COL6A6: variants seen among roughly 807,000 people sequenced by gnomAD.
The protein encoded by COL6A6 is collagen type VI alpha 6 chain, also known as collagen alpha-6(VI) chain.
Under a neutral mutation model 208.6 loss-of-function variants are expected in COL6A6, and 183 were observed. The observed-to-expected ratio is 0.88, with a 90% confidence interval of 0.78 to 0.99. The LOEUF is 0.99. COL6A6 is among the 50% of genes least tolerant of loss of function. The pLI is 0.00. For missense variants in COL6A6, 2,816 were observed against 2,815.2 expected (o/e 1.00, Z -0.01); for synonymous variants, 973 against 1,011.8 (o/e 0.96, Z 0.73).
chr3:130,548,240 G>T (rs1047924476), intron 1 of COL6A6, among the ~76,000 whole-genome samples: 3 of 152,184 alleles, frequency 2.0e-5, no homozygotes, highest in Non-Finnish European at 4.4e-5. Context: ...GATGCAATGT[G>T]CTGGGTAAAA....
intron 19 of COL6A6, 97 bp from the exon 20 acceptor site, chr3:130,599,660 A>C (rs535167135): frequency 1.1e-5 from 13 of 1,216,482 alleles, no homozygotes; most frequent in Non-Finnish European, 1.6e-5. Flanking sequence ...TTGGTGTGTG[A>C]ACCTATCTAT....
chr3:130,649,896 C>T (rs889601871), intron 33 of COL6A6, among the ~76,000 whole-genome samples: 1 of 152,180 alleles, frequency 6.6e-6, no homozygotes, highest in African/African-American at 2.4e-5. Flanking sequence ...TCCAAATTTG[C>T]TGTTCTAGTG....
intron 24 of COL6A6, among the ~76,000 whole-genome samples, chr3:130,623,853 G>T (rs2064808836): frequency 6.6e-6 from 1 of 152,140 alleles, no homozygotes; most frequent in South Asian, 2.1e-4. Context: ...GAATTATTAG[G>T]AAGGAAGGAA....
intron 23 of COL6A6, among the ~76,000 whole-genome samples, chr3:130,617,906 A>T (rs1057300048): frequency 6.6e-6 from 1 of 152,176 alleles, no homozygotes; most frequent in Non-Finnish European, 1.5e-5. Flanking sequence ...ATCTCTTCTG[A>T]TAAGGTGCTA....
chr3:130,626,473 T>C lies in COL6A6; in HGVS notation c.4879-12T>C. 6.2e-7 allele frequency: 1 copy of C among 1,604,884 alleles called. No homozygotes were observed. Among genetic ancestry groups the C allele is most frequent in the Non-Finnish European group, 8.5e-7 (1 of 1,171,584 alleles). On this transcript the variant is annotated splice_polypyrimidine_tract_variant and intron_variant, in intron 24 of 36. Transcript: ENST00000358511. ...CAATTTCCAACCTAAAAACAATCTT[T>C]CTGTTTAACAGGGAGAACCTGGAGA...
Position 130,592,709 on chromosome 3 carries a change from T to A in COL6A6, c.4358T>A (p.Leu1453Gln). 1 of 1,612,346 alleles carries A rather than the reference T, an allele frequency of 6.2e-7. No individual in the cohort carries two copies. Among genetic ancestry groups the A allele is most frequent in the Non-Finnish European group, 8.5e-7 (1 of 1,178,670 alleles). ...TTTTATTTTCAGGGAAACAGAGGAC[T>A]AAATGGACAGGAGGTATGTTACCAG... ...GTKGPKGNRG[L>Q]NGQEGEVGEN... Residue 1453 changes from leucine (L) to glutamine (Q), a missense_variant, in exon 15 of 37, where the codon CTA becomes CAA. Physicochemically the swap from Leu to Gln is moderately radical, Grantham distance 113. Coordinates refer to ENST00000358511, the MANE Select transcript of COL6A6 (RefSeq NM_001102608.3).
chr3:130,566,728 A>G lies in COL6A6; in HGVS notation c.1309A>G (p.Ile437Val), dbSNP rs2063033171. Residue 437 changes from isoleucine to valine, a missense_variant, in exon 5 of 37, where the codon ATC becomes GTC. Transcript: ENST00000358511. The stretch of plus-strand genomic sequence containing the variant: ...TTGTGTGGACACTGAGGAAGCAGAC[A>G]TCTATCTGCTTATCGATGGCTCAGG... ...SGCVDTEEAD[I>V]YLLIDGSGST... 2 of 1,611,324 alleles carry G rather than the reference A, an allele frequency of 1.2e-6. No homozygotes were observed. Among genetic ancestry groups the G allele is most frequent in the South Asian group, 1.1e-5 (1 of 90,894 alleles).
chr3:130,657,823 ATTAGC>A (rs1356559409), intron 33 of COL6A6, among the ~76,000 whole-genome samples: 1 of 152,244 alleles, frequency 6.6e-6, no homozygotes, highest in Non-Finnish European at 1.5e-5. Context: ...GAGGGTAGTC[ATTAGC>A]TTAGGACAGG....
At position 130,610,648 on chromosome 3, in the gene COL6A6, G is replaced by C; in HGVS notation, c.4753-1G>C. 1 of 1,584,776 alleles carries C rather than the reference G, an allele frequency of 6.3e-7. No homozygotes were observed. Among genetic ancestry groups the C allele is most frequent in the Non-Finnish European group, 8.6e-7 (1 of 1,164,028 alleles). ...ATAATGCTTTAATTCTATGTACTTAGGGCCCAAGAGGAGAGGCTGGTGTGA... is the reference window on the plus strand; with the variant it reads ...ATAATGCTTTAATTCTATGTACTTACGGCCCAAGAGGAGAGGCTGGTGTGA... On this transcript the variant is annotated splice_acceptor_variant, in intron 22 of 36. Transcript: ENST00000358511. LOFTEE classifies it high-confidence loss of function.
intron 36 of COL6A6, among the ~76,000 whole-genome samples, chr3:130,666,334 T>A (rs1006020547): frequency 1.3e-5 from 2 of 152,242 alleles, no homozygotes; most frequent in African/African-American, 2.4e-5. Flanking sequence ...AGTAGTATCA[T>A]GTTTTTATAA....
At chr3:130,526,276 G>A (rs1336261024) in intron 1 of COL6A6, among the ~76,000 whole-genome samples, 3 of 152,012 alleles carry the variant, frequency 2.0e-5, no homozygotes, top group Non-Finnish European at 4.4e-5. Context: ...TTGTGAAGTC[G>A]GGTAGGGGGA....
At position 130,621,822 on chromosome 3, in the gene COL6A6, G is replaced by A. The variant is rs369462562; in HGVS notation, c.4817G>A (p.Gly1606Glu). Residue 1606 changes from glycine (G) to glutamate (E), a missense_variant and splice_region_variant, in exon 24 of 37, where the codon GGG (glycine) becomes GAG (glutamate). Physicochemically the swap from Gly to Glu is moderately conservative, Grantham distance 98. Transcript: ENST00000358511. ...TGCAAACCCCTTGTTTTGTTTCAGG[G>A]GCCTCCAGGACCCGGAGGAGAGGCA... ...KGGVGSKGPQGPPGPGGEAGN... is the reference protein window; with the variant it reads ...KGGVGSKGPQEPPGPGGEAGN... 23 of 1,613,366 alleles carry A rather than the reference G, an allele frequency of 1.4e-5. No homozygotes were observed. In the African/African-American group the frequency reaches 2.1e-4, roughly 15 times the overall value.
At chr3:130,563,877 T>C (rs1029927902) in intron 3 of COL6A6, among the ~76,000 whole-genome samples, 1 of 152,230 alleles carries the variant, frequency 6.6e-6, no homozygotes, top group African/African-American at 2.4e-5. Context: ...CACTTATCTG[T>C]GTTGCCTGAC....
intron 36 of COL6A6, among the ~76,000 whole-genome samples, chr3:130,668,773 G>A (rs2066138630): frequency 6.6e-6 from 1 of 152,074 alleles, no homozygotes; most frequent in South Asian, 2.1e-4. Flanking sequence ...AAACCATAAG[G>A]AGAAATTGTC....
intron 1 of COL6A6, among the ~76,000 whole-genome samples, chr3:130,518,216 C>T (rs112052070): frequency 1.5e-3 from 227 of 152,126 alleles, no homozygotes; most frequent in African/African-American, 5.0e-3. Flanking sequence ...GGGGTGGTGA[C>T]GGTGATTAGG....
intron 19 of COL6A6, among the ~76,000 whole-genome samples, chr3:130,598,675 T>G (rs2063917611): frequency 6.6e-6 from 1 of 152,190 alleles, no homozygotes; most frequent in African/African-American, 2.4e-5. Context: ...ATCCTCGAGG[T>G]CTTCATGAAT....
At chr3:130,575,769 G>A (rs2063279782) in intron 8 of COL6A6, among the ~76,000 whole-genome samples, 1 of 152,122 alleles carries the variant, frequency 6.6e-6, no homozygotes, top group Non-Finnish European at 1.5e-5. Flanking sequence ...TCAGGAATTG[G>A]TTTTCTCTGA....
chr3:130,599,766 G>A lies in COL6A6; in HGVS notation c.4609G>A (p.Gly1537Ser). 6.2e-7 allele frequency: 1 copy of A among 1,613,778 alleles called. No homozygotes were observed. Among genetic ancestry groups the A allele is most frequent in the Non-Finnish European group, 8.5e-7 (1 of 1,179,780 alleles). Residue 1537 changes from glycine to serine, a missense_variant, in exon 20 of 37, where the codon GGC becomes AGC. Transcript: ENST00000358511. ...TCTGTTCCTTTGACAGGGCAGAAGA[G>A]GCTGGCCAGGCCCCCCCGGGACACC... The part of the protein sequence containing the change: ...KGERGRQGRR[G>S]WPGPPGTPGS...
intron 20 of COL6A6, among the ~76,000 whole-genome samples, chr3:130,605,040 CTT>C (rs1576314511): frequency 1.3e-5 from 2 of 152,334 alleles, no homozygotes; most frequent in East Asian, 3.9e-4. Context: ...TCTTCTCACA[CTT>C]TTGACACAGA....
Sources: allele counts gnomAD v4.1 joint callset (sites outside exome capture counted in the v4.1 genomes callset), GRCh38; gene constraint gnomAD v4.1.1; transcripts MANE v1.5; gene names NCBI Gene and HGNC (gene_info 2026-07-23, HGNC 2026-07-21).